The following TRIM2 variants were observed in gnomAD, a reference collection of about 807,000 sequenced individuals.
TRIM2 encodes tripartite motif containing 2, also known as tripartite motif-containing protein 2.
In TRIM2, 20 loss-of-function variants were observed where a neutral mutation model predicts 75.2. The observed-to-expected ratio is 0.27, with a 90% CI of 0.19 to 0.39. The LOEUF (loss-of-function observed/expected upper bound fraction) is 0.39, where lower values mean the gene tolerates loss of function less well. TRIM2 is among the 10% of genes least tolerant of loss of function. TRIM2 has a pLI of 1.00. For synonymous variants in TRIM2, 373 were observed against 388.3 expected (o/e 0.96, Z 0.46); for missense variants, 660 against 990.8 (o/e 0.67, Z 4.48).
intron 1 of TRIM2, among the ~76,000 whole-genome samples, chr4:153,265,312 T>A (rs190651985): frequency 6.6e-6 from 1 of 151,502 alleles, no homozygotes; most frequent in East Asian, 1.9e-4. Flanking sequence ...CGGAAAAGTT[T>A]TTTTTTGTTT....
intron 1 of TRIM2, among the ~76,000 whole-genome samples, chr4:153,190,206 T>C (rs1018076433): frequency 6.6e-6 from 1 of 152,228 alleles, no homozygotes; most frequent in Non-Finnish European, 1.5e-5. Flanking sequence ...AAGGAAGTAC[T>C]GTAGAGAAGA....
At chr4:153,232,427 A>G (rs916996982) in intron 1 of TRIM2, among the ~76,000 whole-genome samples, 3 of 152,200 alleles carry the variant, frequency 2.0e-5, no homozygotes, top group African/African-American at 7.2e-5. Flanking sequence ...TGAACCTGGG[A>G]GGCAGAGGTT....
intron 1 of TRIM2, among the ~76,000 whole-genome samples, chr4:153,209,124 T>C (rs1736250844): frequency 6.6e-6 from 1 of 152,212 alleles, no homozygotes; most frequent in African/African-American, 2.4e-5. Context: ...GACAGGCCCC[T>C]GAAGGCACGT....
intron 1 of TRIM2, among the ~76,000 whole-genome samples, chr4:153,244,292 C>T (rs551862383): frequency 2.7e-4 from 10 of 36,566 alleles, no homozygotes; most frequent in Admixed American, 6.4e-4. Flanking sequence ...CCTCCTCCTC[C>T]TCCTCCTCCT....
At chr4:153,199,896 C>T (rs1734148234), upstream of TRIM2, among the ~76,000 whole-genome samples, 1 of 150,828 alleles carries the variant, frequency 6.6e-6, no homozygotes, top group South Asian at 2.1e-4. Flanking sequence ...GCCTCAGCCT[C>T]TGGAGTAGCT....
At chr4:153,239,418 G>GCTCT (rs145312123) in intron 1 of TRIM2, among the ~76,000 whole-genome samples, 67 of 147,018 alleles carry the variant, frequency 4.6e-4, no homozygotes, top group East Asian at 2.0e-3. Flanking sequence ...TAAAGATAGT[G>GCTCT]CTCTCTCTCT....
intron 1 of TRIM2, among the ~76,000 whole-genome samples, chr4:153,171,061 GGATGGGTTGCTAGC>G (rs1730801436): frequency 6.6e-6 from 1 of 152,164 alleles, no homozygotes; most frequent in Non-Finnish European, 1.5e-5. Flanking sequence ...TTTTTAGTAA[GGATGGGTTGCTAGC>G]CTTAGGACCG....
chr4:153,214,777 A>T (rs767390163), intron 1 of TRIM2, among the ~76,000 whole-genome samples: 2 of 152,152 alleles, frequency 1.3e-5, no homozygotes, highest in Non-Finnish European at 2.9e-5. Flanking sequence ...CTGATTTAGG[A>T]GGTCTGGGTT....
At chr4:153,241,840 G>A (rs1238579402) in intron 1 of TRIM2, among the ~76,000 whole-genome samples, 4 of 152,180 alleles carry the variant, frequency 2.6e-5, no homozygotes, top group Admixed American at 2.6e-4. Flanking sequence ...ACGTATGCCG[G>A]ATAAAGGTCC....
intron 10 of TRIM2, among the ~76,000 whole-genome samples, chr4:153,324,747 CACTT>C (rs1382354136): frequency 2.0e-5 from 3 of 152,186 alleles, no homozygotes; most frequent in Admixed American, 2.0e-4. Context: ...ACACATTACT[CACTT>C]ACTGAAATGA....
intron 6 of TRIM2, chr4:153,308,657 C>T: frequency 1.7e-6 from 1 of 587,752 alleles, no homozygotes. Flanking sequence ...GCATCCTGCT[C>T]AGCATCAAAT....
upstream of TRIM2, among the ~76,000 whole-genome samples, chr4:153,201,735 C>T (rs140513372): frequency 2.4e-3 from 362 of 152,160 alleles, 6 homozygotes; most frequent in Non-Finnish European, 3.7e-4. Flanking sequence ...AAAATTTTAA[C>T]GAAGTCCAAT....
At chr4:153,250,325 G>A (rs959094784) in intron 1 of TRIM2, among the ~76,000 whole-genome samples, 2 of 152,090 alleles carry the variant, frequency 1.3e-5, no homozygotes, top group Non-Finnish European at 2.9e-5. Flanking sequence ...TTGCCATGTT[G>A]ACCAGGCTGG....
chr4:153,331,315 C>A (rs1771430420), intron 11 of TRIM2, among the ~76,000 whole-genome samples: 2 of 151,868 alleles, frequency 1.3e-5, no homozygotes, highest in Admixed American at 6.6e-5. Flanking sequence ...AGAGCAAGAC[C>A]CTGTCTCTTA....
chr4:153,269,298 C>T (rs1211621312), intron 1 of TRIM2, among the ~76,000 whole-genome samples: 2 of 152,118 alleles, frequency 1.3e-5, no homozygotes, highest in Non-Finnish European at 2.9e-5. Context: ...ACTCCTGGGG[C>T]AGTAAATTGT....
At chr4:153,221,393 A>T (rs1739942219) in intron 1 of TRIM2, among the ~76,000 whole-genome samples, 1 of 152,142 alleles carries the variant, frequency 6.6e-6, no homozygotes, top group African/African-American at 2.4e-5. Context: ...GTGACACTGC[A>T]CTCCAGTCTG....
At chr4:153,156,133 GC>G (rs1729209149) in intron 1 of TRIM2, among the ~76,000 whole-genome samples, 1 of 152,230 alleles carries the variant, frequency 6.6e-6, no homozygotes, top group African/African-American at 2.4e-5. Flanking sequence ...GCCGAAGCTG[GC>G]CCCTCATCCA....
intron 1 of TRIM2, among the ~76,000 whole-genome samples, chr4:153,234,573 A>G (rs1232212953): frequency 6.6e-6 from 1 of 152,200 alleles, no homozygotes; most frequent in African/African-American, 2.4e-5. Context: ...AAGTATGCAG[A>G]TCCTTTATGA....
At chr4:153,221,756 G>GGAAGGA (rs1740092212) in intron 1 of TRIM2, among the ~76,000 whole-genome samples, 3 of 134,668 alleles carry the variant, frequency 2.2e-5, no homozygotes, top group African/African-American at 5.5e-5. Flanking sequence ...GGGAGGGAGG[G>GGAAGGA]AGGAAATAAG....
Sources: allele counts gnomAD v4.1 joint callset (sites outside exome capture counted in the v4.1 genomes callset), GRCh38; gene constraint gnomAD v4.1.1; transcripts MANE v1.5; gene names NCBI Gene and HGNC (gene_info 2026-07-23, HGNC 2026-07-21).